The following FRMD3 variants were observed in gnomAD, a reference collection of about 807,000 sequenced individuals.
FRMD3 encodes the protein FERM domain-containing protein 3.
Under a neutral mutation model 70.2 loss-of-function variants are expected in FRMD3, and 33 were observed. The observed-to-expected ratio is 0.47, with a 90% CI of 0.36 to 0.63. The LOEUF (loss-of-function observed/expected upper bound fraction) is 0.63. Ranked by LOEUF, FRMD3 falls within the 20% of genes least tolerant of loss-of-function variation. The pLI is 0.00. For missense variants in FRMD3, 632 were observed against 711.4 expected, an observed-to-expected ratio of 0.89 and a Z score of 1.27; for synonymous variants, 279 against 255.9, an observed-to-expected ratio of 1.09 and a Z score of -0.86.
the FRMD3 span, among the ~76,000 whole-genome samples, chr9:83,549,567 C>T: frequency 1.3e-5 from 2 of 152,204 alleles, no homozygotes; most frequent in Admixed American, 6.5e-5. Context: ...CTCCCACCAA[C>T]AGCGTATAAG....
intron 1 of FRMD3, among the ~76,000 whole-genome samples, chr9:83,534,354 C>A (rs1168727234): frequency 3.3e-5 from 5 of 152,214 alleles, no homozygotes; most frequent in Admixed American, 6.5e-5. Flanking sequence ...GACTGGACCA[C>A]TAGGTTGTGT....
chr9:83,432,605 G>A (rs1418714733), intron 1 of FRMD3, among the ~76,000 whole-genome samples: 1 of 152,174 alleles, frequency 6.6e-6, no homozygotes, highest in Non-Finnish European at 1.5e-5. Context: ...GAGCCCAGCA[G>A]GTTAAACTTA....
intron 1 of FRMD3, among the ~76,000 whole-genome samples, chr9:83,480,056 A>G (rs995670063): frequency 6.6e-6 from 1 of 152,220 alleles, no homozygotes; most frequent in Admixed American, 6.5e-5. Flanking sequence ...AAAGTAGAAT[A>G]TTTTCACTCT....
intron 1 of FRMD3, among the ~76,000 whole-genome samples, chr9:83,457,515 T>C (rs989052192): frequency 1.3e-5 from 2 of 152,204 alleles, no homozygotes; most frequent in African/African-American, 4.8e-5. Flanking sequence ...TAGGATGGCA[T>C]AGTATTTTCA....
At chr9:83,515,547 A>G (rs995472385) in intron 1 of FRMD3, among the ~76,000 whole-genome samples, 4 of 152,246 alleles carry the variant, frequency 2.6e-5, no homozygotes, top group Admixed American at 6.5e-5. Context: ...AATACTCTTC[A>G]GGATATTATC....
chr9:83,270,842 C>CT (rs1833520141), intron 13 of FRMD3, among the ~76,000 whole-genome samples: 5 of 135,710 alleles, frequency 3.7e-5, no homozygotes, highest in Admixed American at 7.2e-5. Flanking sequence ...AATACATGGT[C>CT]ATTTTTTTTT....
rs749144582 is a variant in FRMD3 at position 83,298,711 on chromosome 9, TAA to T, written c.1070+35_1070+36del. ...TAGGGGATTTGGAAAAGCCAGCTTT[TAA>T]AGCCACCTGGAACCCACAGTGATCA... On this transcript the variant is annotated intron_variant, in intron 12 of 13. Coordinates refer to ENST00000304195, the MANE Select transcript of FRMD3 (RefSeq NM_174938.6). 2.5e-6 allele frequency: 4 copies of T among 1,579,834 alleles called. 1 individual carries two copies. The highest frequency in any genetic ancestry group is 3.5e-6 in the Non-Finnish European group (4 of 1,149,454).
chr9:83,422,216 C>CTT (rs1826668131), intron 1 of FRMD3, among the ~76,000 whole-genome samples: 2 of 30,016 alleles, frequency 6.7e-5, no homozygotes, highest in South Asian at 2.7e-3. Flanking sequence ...CAGAGTGAGA[C>CTT]TGTCTCAAAA....
intron 13 of FRMD3, among the ~76,000 whole-genome samples, chr9:83,259,260 CA>C (rs1323139706): frequency 6.6e-6 from 1 of 152,126 alleles, no homozygotes; most frequent in African/African-American, 2.4e-5. Context: ...TACATTTAAA[CA>C]AAAAGCATTT....
chr9:83,462,060 C>A (rs1469877864), intron 1 of FRMD3, among the ~76,000 whole-genome samples: 1 of 152,226 alleles, frequency 6.6e-6, no homozygotes, highest in Middle Eastern at 3.4e-3. Flanking sequence ...GAATAAAAGA[C>A]CTGGAGAAGT....
downstream of FRMD3, among the ~76,000 whole-genome samples, chr9:83,243,846 A>C (rs1372030564): frequency 2.0e-5 from 3 of 152,080 alleles, no homozygotes; most frequent in Non-Finnish European, 4.4e-5. Context: ...TTAGGTATGG[A>C]GTTGTTAGCT....
chr9:83,272,448 G>A (rs923911466), intron 13 of FRMD3, among the ~76,000 whole-genome samples: 3 of 152,044 alleles, frequency 2.0e-5, no homozygotes, highest in Admixed American at 6.5e-5. Flanking sequence ...CGTGATCCCC[G>A]CTCGCTACAA....
chr9:83,372,964 G>GAAAA lies in FRMD3; in HGVS notation c.253-13_253-10dup. ...TTAGGTTCAAGCCAGTGCTAGGGAG[G>GAAAA]AAAAAAAAAAAAGCAGAGATCAGGG... On this transcript the variant is annotated splice_polypyrimidine_tract_variant and intron_variant, in intron 2 of 13. Transcript: ENST00000304195. 2 of 1,416,740 alleles carry GAAAA rather than the reference G, an allele frequency of 1.4e-6. No individual in the cohort carries two copies. Among genetic ancestry groups the GAAAA allele is most frequent in the Admixed American group, 3.7e-5 (2 of 54,078 alleles). 87.8% of individuals were successfully genotyped at this position (1,416,740 alleles called of 1,614,324 possible).
At chr9:83,325,532 C>G (rs151158485) in intron 6 of FRMD3, among the ~76,000 whole-genome samples, 15,218 of 151,686 alleles carry the variant, frequency 0.1, 873 homozygotes, top group East Asian at 0.23. Flanking sequence ...ACCATGTTGC[C>G]CACGCTGGTC....
intron 2 of FRMD3, among the ~76,000 whole-genome samples, chr9:83,377,564 T>A (rs1825189234): frequency 6.6e-6 from 1 of 152,132 alleles, no homozygotes; most frequent in Non-Finnish European, 1.5e-5. Flanking sequence ...CTTGGTGCTG[T>A]CCTTGTGATA....
chr9:83,558,475 CTT>C, the FRMD3 span, among the ~76,000 whole-genome samples: 6 of 152,282 alleles, frequency 3.9e-5, 1 homozygote, highest in South Asian at 1.2e-3. Flanking sequence ...AAAGCTTTGA[CTT>C]TATTTGTAAA....
At chr9:83,344,215 G>C (rs1823873203) in intron 4 of FRMD3, among the ~76,000 whole-genome samples, 1 of 152,218 alleles carries the variant, frequency 6.6e-6, no homozygotes, top group Non-Finnish European at 1.5e-5. Context: ...TTTCTGAGCA[G>C]AGTAACTTTA....
At chr9:83,459,220 TA>T (rs1238771197) in intron 1 of FRMD3, among the ~76,000 whole-genome samples, 1 of 152,196 alleles carries the variant, frequency 6.6e-6, no homozygotes, top group Non-Finnish European at 1.5e-5. Flanking sequence ...GTGTGGCTGT[TA>T]ACTCCACTGA....
In FRMD3 at chr9:83,246,204, G is replaced by C; in HGVS notation, c.*1714C>G. ...CATTAGCTAGAGAGAGCGATTCCAA[G>C]TGGGCCCTGTAACTTTGTACATTAG... On this transcript the variant is annotated 3_prime_UTR_variant, in exon 14 of 14. Transcript: ENST00000304195. The C allele has an allele frequency of 1.0e-6, 1 of 985,100 alleles. No individual in the cohort carries two copies. The highest frequency in any genetic ancestry group is 5.2e-4 in the Middle Eastern group (1 of 1,914). The allele number at this position is 985,100 out of a possible 1,614,324, so 61.0% of individuals were successfully genotyped here. A position where few individuals can be genotyped will look rare whatever the true frequency, so the allele number is the denominator to read the frequency against.
Sources: gnomAD v4.1 joint callset for allele counts (sites outside exome capture counted in the v4.1 genomes callset) on GRCh38, gnomAD v4.1.1 for gene constraint, MANE v1.5 for transcripts, NCBI Gene and HGNC (gene_info 2026-07-23, HGNC 2026-07-21) for gene names.